The following PTPN21 variants were observed in gnomAD, a reference collection of about 807,000 sequenced individuals.
The protein encoded by PTPN21 is tyrosine-protein phosphatase non-receptor type 21.
PTPN21 carries 77 observed loss-of-function variants against 131.8 expected under a neutral mutation model. The observed-to-expected ratio is 0.58, with a 90% CI of 0.49 to 0.71. The LOEUF is 0.71. Ranked by LOEUF, PTPN21 falls within the 30% of genes least tolerant of loss-of-function variation. The pLI, the probability that PTPN21 is intolerant of heterozygous loss-of-function variation, is 0.00. For synonymous variants in PTPN21, 715 were observed against 621.3 expected, an observed-to-expected ratio of 1.15 and a Z score of -2.24; for missense variants, 1,552 against 1,527.1, an observed-to-expected ratio of 1.02 and a Z score of -0.27.
intron 3 of PTPN21, among the ~76,000 whole-genome samples, chr14:88,514,610 A>C (rs765010116): frequency 3.3e-5 from 5 of 152,042 alleles, no homozygotes; most frequent in South Asian, 2.1e-4. Context: ...GATTACAGGC[A>C]TGTGCCACCA....
At position 88,479,250 on chromosome 14, in the gene PTPN21, C is replaced by G. The variant is rs756344360; in HGVS notation, c.2181G>C (p.Ala727=). Reference sequence around the variant, plus strand: ...GAGGCTCGCGCGCACGTGCAGGAGGCGCCCGGGCCCCGCTCTCCTCCTCGA... The same window carrying G: ...GAGGCTCGCGCGCACGTGCAGGAGGGGCCCGGGCCCCGCTCTCCTCCTCGA... ...EDFEEESGAR[A]PPARAREPRP... Residue 727 remains alanine (A), a synonymous_variant, in exon 13 of 19, where the codon GCG becomes GCC. Transcript: ENST00000556564. 18 of 1,610,506 alleles carry G rather than the reference C, an allele frequency of 1.1e-5. 1 individual carries two copies. The South Asian group carries it at 2.0e-4, about 18-fold the overall frequency.
rs1368515756 is a variant in PTPN21 at position 88,479,572 on chromosome 14, ACCT to A, written c.1856_1858del (p.Glu619del). ...GCGCGCGGCGGTGAGGGGCTCGCTGACCTCCTGCAGCGAGTGCGCCACGGGCAG... is the reference window on the plus strand; with the variant it reads ...GCGCGCGGCGGTGAGGGGCTCGCTGACCTGCAGCGAGTGCGCCACGGGCAG... On this transcript the variant is annotated inframe_deletion, in exon 13 of 19. Transcript: ENST00000556564. 1.2e-5 allele frequency: 19 copies of A among 1,597,218 alleles called. No individual in the cohort carries two copies. Among genetic ancestry groups the A allele is most frequent in the Non-Finnish European group, 1.6e-5 (19 of 1,178,034 alleles).
intron 2 of PTPN21, among the ~76,000 whole-genome samples, chr14:88,524,551 A>G (rs980317750): frequency 6.6e-5 from 10 of 152,224 alleles, no homozygotes; most frequent in Non-Finnish European, 1.5e-4. Context: ...TTGGGAATAA[A>G]TGCTTGAGTA....
chr14:88,470,027 C>T lies in PTPN21; in HGVS notation c.2895G>A (p.Trp965Ter), dbSNP rs2140080480. 6.2e-7 allele frequency: 1 copy of T among 1,613,200 alleles called. No individual in the cohort carries two copies. The highest frequency in any genetic ancestry group is 1.7e-5 in the Admixed American group (1 of 60,006). ...HIKVSVSGIEWDYIATQGPLQ... is the reference protein window; with the variant it reads ...HIKVSVSGIE ...ATGGTCCCTGTGTGGCAATATAATCCCATTCGATTCCACTGACAGAGACCT... is the reference window on the plus strand; with the variant it reads ...ATGGTCCCTGTGTGGCAATATAATCTCATTCGATTCCACTGACAGAGACCT... Residue 965 changes from tryptophan (W) to a stop codon, truncating the protein, a stop_gained, in exon 16 of 19, where the codon TGG (tryptophan) becomes TGA (stop). Transcript: ENST00000556564. LOFTEE classifies it high-confidence loss of function.
At chr14:88,542,555 T>C (rs1179526036) in intron 2 of PTPN21, among the ~76,000 whole-genome samples, 1 of 152,230 alleles carries the variant, frequency 6.6e-6, no homozygotes, top group Non-Finnish European at 1.5e-5. Context: ...TTTAAGTTTA[T>C]TAGGCACTAA....
At chr14:88,493,539 G>A (rs952578745) in intron 10 of PTPN21, among the ~76,000 whole-genome samples, 1 of 152,300 alleles carries the variant, frequency 6.6e-6, no homozygotes, top group Non-Finnish European at 1.5e-5. Context: ...TACCCAGGAC[G>A]GGGCGGGTGA....
chr14:88,486,691 C>T (rs1255861803), intron 10 of PTPN21, among the ~76,000 whole-genome samples: 2 of 152,004 alleles, frequency 1.3e-5, no homozygotes, highest in African/African-American at 4.8e-5. Context: ...TAAAAAAACA[C>T]CTAAGGCCAG....
chr14:88,470,219 T>C, intron 15 of PTPN21, 169 bp from the exon 16 acceptor site: 1 of 643,406 alleles, frequency 1.6e-6, no homozygotes, highest in Non-Finnish European at 2.6e-6. Context: ...TCTTTTCCCT[T>C]GTGAATACAA....
At chr14:88,546,491 G>A (rs369938227) in intron 2 of PTPN21, among the ~76,000 whole-genome samples, 9 of 150,616 alleles carry the variant, frequency 6.0e-5, no homozygotes, top group East Asian at 2.0e-4. Flanking sequence ...CAGGAGAATC[G>A]CTTGGACCCG....
Position 88,469,861 on chromosome 14 carries a change from T to A in PTPN21, c.3000+61A>T. On this transcript the variant is annotated intron_variant, in intron 16 of 18. Coordinates refer to ENST00000556564, the MANE Select transcript of PTPN21 (RefSeq NM_007039.4). The surrounding 1 kb of genome is among the most constrained non-coding windows in gnomAD (Gnocchi z 4.3). ...TTTCTCCACAGGTCAGGATTCCAGA[T>A]GATTAACATTAACTGTTCTTCAGAG... 6.2e-7 allele frequency: 1 copy of A among 1,610,230 alleles called. No homozygotes were observed. Among genetic ancestry groups the A allele is most frequent in the Non-Finnish European group, 8.5e-7 (1 of 1,176,720 alleles).
intron 6 of PTPN21, among the ~76,000 whole-genome samples, chr14:88,502,614 A>G (rs1003043303): frequency 7.9e-5 from 12 of 152,238 alleles, no homozygotes; most frequent in Non-Finnish European, 1.5e-4. Flanking sequence ...TTAATGCAGA[A>G]TAAGAACACT....
At chr14:88,477,446 TAAAAAAAAAAAA>T (rs59381948) in intron 13 of PTPN21, among the ~76,000 whole-genome samples, 1,858 of 76,496 alleles carry the variant, frequency 0.024, 60 homozygotes, top group African/African-American at 0.079. Context: ...AAGACTGTTC[TAAAAAAAAAAAA>T]AAAAAAAAAA....
intron 3 of PTPN21, chr14:88,513,597 G>GTTTTTACTT (rs1209736140): frequency 1.3e-4 from 20 of 152,296 alleles, no homozygotes; most frequent in African/African-American, 4.6e-4. Context: ...AAAAACTCCA[G>GTTTTTACTT]GCACCAAAGT....
At chr14:88,535,553 A>C (rs1439136474) in intron 2 of PTPN21, among the ~76,000 whole-genome samples, 2 of 152,184 alleles carry the variant, frequency 1.3e-5, no homozygotes, top group African/African-American at 4.8e-5. Flanking sequence ...TGTGGTGAAG[A>C]ACTTTGTAAG....
chr14:88,514,375 TTC>T lies in PTPN21; in HGVS notation c.350+2715_350+2716del, dbSNP rs2078230115. On this transcript the variant is annotated intron_variant, in intron 3 of 18. Coordinates refer to ENST00000556564, the MANE Select transcript of PTPN21 (RefSeq NM_007039.4). ...CATTTTGTAGTATCAGGTGGCAGTTTTCTGCTGCTTTATGGTCATATTTTTCT... is the reference window on the plus strand; with the variant it reads ...CATTTTGTAGTATCAGGTGGCAGTTTTGCTGCTTTATGGTCATATTTTTCT... Among the ~76,000 whole-genome samples the T allele has an allele frequency of 3.3e-5, 5 of 152,300 alleles. No individual in the cohort carries two copies. In the South Asian group the frequency reaches 1.0e-3, roughly 32 times the overall value.
At chr14:88,517,853 A>G (rs969424046) in intron 2 of PTPN21, among the ~76,000 whole-genome samples, 1 of 146,796 alleles carries the variant, frequency 6.8e-6, no homozygotes, top group African/African-American at 2.5e-5. Flanking sequence ...TATATATGGT[A>G]TATATATGTG....
intron 2 of PTPN21, among the ~76,000 whole-genome samples, chr14:88,549,934 C>A (rs2078836911): frequency 6.6e-6 from 1 of 152,060 alleles, no homozygotes; most frequent in African/African-American, 2.4e-5. Context: ...TACAGGCGCC[C>A]ACCACCACGT....
rs2077433092 is a variant in PTPN21, at chr14:88,469,897, T to C, written c.3000+25A>G. 6.2e-7 allele frequency: 1 copy of C among 1,613,338 alleles called. No individual in the cohort carries two copies. Among genetic ancestry groups the C allele is most frequent in the Non-Finnish European group, 8.5e-7 (1 of 1,179,616 alleles). On this transcript the variant is annotated intron_variant, in intron 16 of 18. Coordinates refer to ENST00000556564, the MANE Select transcript of PTPN21 (RefSeq NM_007039.4). The surrounding 1 kb of genome is among the most constrained non-coding windows in gnomAD (Gnocchi z 4.3). Reference sequence around the variant, plus strand: ...AACTGTTCTTCAGAGGCTGAGAAAATCACTTAAGAGAAATAAGTACCTACC... The same window carrying C: ...AACTGTTCTTCAGAGGCTGAGAAAACCACTTAAGAGAAATAAGTACCTACC...
intron 2 of PTPN21, among the ~76,000 whole-genome samples, chr14:88,525,799 CA>C (rs1328017792): frequency 1.3e-5 from 2 of 152,034 alleles, no homozygotes; most frequent in Non-Finnish European, 2.9e-5. Flanking sequence ...GGAAACAAGC[CA>C]AATGTCCATC....
Sources: allele counts gnomAD v4.1 joint callset (sites outside exome capture counted in the v4.1 genomes callset), GRCh38; gene constraint gnomAD v4.1.1; non-coding constraint Gnocchi (gnomAD v3.1); transcripts MANE v1.5; gene names NCBI Gene and HGNC (gene_info 2026-07-23, HGNC 2026-07-21).